Variants in FAM110B observed in about 807,000 individuals in gnomAD.
FAM110B encodes protein FAM110B.
A neutral mutation model predicts 20.4 loss-of-function variants in FAM110B; 6 were observed. That is an observed-to-expected ratio of 0.29 (90% CI 0.16 to 0.58). The LOEUF (loss-of-function observed/expected upper bound fraction) is 0.58, where lower values mean the gene tolerates loss of function less well. Among genes scored for constraint, FAM110B ranks in the 20% least tolerant of loss-of-function variants. FAM110B has a pLI of 0.90. For missense variants in FAM110B, 434 were observed against 498.2 expected, an observed-to-expected ratio of 0.87 and a Z score of 1.23; for synonymous variants, 226 against 214.1, an observed-to-expected ratio of 1.06 and a Z score of -0.49.
chr8:58,060,776 A>G (rs556497926), intron 2 of FAM110B, among the ~76,000 whole-genome samples: 6 of 152,148 alleles, frequency 3.9e-5, no homozygotes, highest in Non-Finnish European at 8.8e-5. Flanking sequence ...CTCTCAACCT[A>G]TCCCAAGCTG....
At chr8:58,064,394 C>CT (rs11318730) in intron 2 of FAM110B, among the ~76,000 whole-genome samples, 22 of 148,278 alleles carry the variant, frequency 1.5e-4, no homozygotes, top group East Asian at 3.9e-4. Flanking sequence ...AATGTATACA[C>CT]TTTTTTTTTT....
At chr8:58,103,725 T>C (rs2150613378) in intron 3 of FAM110B, among the ~76,000 whole-genome samples, 1 of 152,284 alleles carries the variant, frequency 6.6e-6, no homozygotes, top group South Asian at 2.1e-4. Context: ...TCAAGTGAAC[T>C]TCATGTCCCT....
chr8:58,116,790 A>T (rs961112189), intron 3 of FAM110B, among the ~76,000 whole-genome samples: 1 of 152,234 alleles, frequency 6.6e-6, no homozygotes, highest in African/African-American at 2.4e-5. Flanking sequence ...ATTAAAAAAA[A>T]GACAAGTAAA....
intron 1 of FAM110B, among the ~76,000 whole-genome samples, chr8:58,019,580 T>A (rs1439382736): frequency 6.6e-6 from 1 of 152,016 alleles, no homozygotes; most frequent in Non-Finnish European, 1.5e-5. Context: ...AGCCGAAAAC[T>A]TCTTGAATTT....
At chr8:58,059,047 A>G (rs907407580) in intron 2 of FAM110B, among the ~76,000 whole-genome samples, 10 of 152,204 alleles carry the variant, frequency 6.6e-5, no homozygotes, top group African/African-American at 2.2e-4. Context: ...TATAGTAACT[A>G]GTGCTCTTTG....
At chr8:58,000,221 A>C (rs1284836757) in intron 1 of FAM110B, among the ~76,000 whole-genome samples, 1 of 152,330 alleles carries the variant, frequency 6.6e-6, no homozygotes, top group Middle Eastern at 3.4e-3. Context: ...GCAGGGCCTT[A>C]TGGACCACAG....
At chr8:58,043,904 G>T (rs1411028917) in intron 2 of FAM110B, among the ~76,000 whole-genome samples, 2 of 152,184 alleles carry the variant, frequency 1.3e-5, no homozygotes, top group Non-Finnish European at 2.9e-5. Flanking sequence ...GCAGGTACTT[G>T]CATCCAATCA....
intron 3 of FAM110B, among the ~76,000 whole-genome samples, chr8:58,123,321 G>A (rs1451281079): frequency 1.3e-5 from 2 of 152,122 alleles, no homozygotes; most frequent in Non-Finnish European, 2.9e-5. Flanking sequence ...TTGGGGGGTG[G>A]TGCCAGGCAA....
intron 3 of FAM110B, among the ~76,000 whole-genome samples, chr8:58,094,254 T>C (rs1373466958): frequency 5.3e-5 from 8 of 152,220 alleles, no homozygotes; most frequent in Admixed American, 5.2e-4. Context: ...TTCTCTTGCC[T>C]GATTGCCCTG....
chr8:58,103,419 G>A (rs1362406356), intron 3 of FAM110B, among the ~76,000 whole-genome samples: 2 of 150,142 alleles, frequency 1.3e-5, no homozygotes, highest in African/African-American at 4.9e-5. Context: ...GAGAATATGC[G>A]GTGTTTGGTT....
intron 3 of FAM110B, among the ~76,000 whole-genome samples, chr8:58,106,879 A>G (rs1314303053): frequency 1.3e-5 from 2 of 152,238 alleles, no homozygotes; most frequent in African/African-American, 4.8e-5. Flanking sequence ...TTATGTTGTC[A>G]GTTACTGTTT....
At chr8:58,093,691 A>G (rs1371859595) in intron 3 of FAM110B, among the ~76,000 whole-genome samples, 1 of 152,100 alleles carries the variant, frequency 6.6e-6, no homozygotes, top group Non-Finnish European at 1.5e-5. Context: ...TGATGCCTCC[A>G]GCTTTGTTCT....
intron 3 of FAM110B, among the ~76,000 whole-genome samples, chr8:58,118,730 T>C (rs1392414734): frequency 6.6e-6 from 1 of 152,188 alleles, no homozygotes; most frequent in Non-Finnish European, 1.5e-5. Flanking sequence ...AAAAATCCCC[T>C]TTTGAAACCA....
chr8:58,097,466 G>A (rs1233205944), intron 3 of FAM110B, among the ~76,000 whole-genome samples: 1 of 152,108 alleles, frequency 6.6e-6, no homozygotes, highest in Non-Finnish European at 1.5e-5. Context: ...AAGGTTCTTA[G>A]CTTCCTTGCA....
chr8:58,146,763 G>A lies in FAM110B; in HGVS notation c.533G>A (p.Gly178Asp). The A allele has an allele frequency of 6.2e-7, 1 of 1,611,508 alleles. No homozygotes were observed. Among genetic ancestry groups the A allele is most frequent in the Non-Finnish European group, 8.5e-7 (1 of 1,178,828 alleles). The change falls in exon 4 of 4, where the codon GGC (glycine) becomes GAC (aspartate). Residue 178 changes from glycine (G) to aspartate (D), a missense_variant. This residue lies in a region of FAM110B where 284 missense variants were observed against 278.3 expected (regional missense o/e 1.02). Coordinates refer to ENST00000519262, the MANE Select transcript of FAM110B (RefSeq NM_001377989.1). ...TQGRRSPQEG[G>D]SHVGRRLLEQ... ...GGCCGCAGGAGCCCGCAGGAGGGCG[G>A]CTCCCACGTGGGCAGGAGACTGCTG...
At chr8:58,097,274 C>T (rs1043806017) in intron 3 of FAM110B, among the ~76,000 whole-genome samples, 4 of 152,170 alleles carry the variant, frequency 2.6e-5, no homozygotes, top group African/African-American at 9.7e-5. Context: ...CTTGTCTTCA[C>T]ACTTTATTTC....
At chr8:58,072,157 T>G (rs188201025) in intron 2 of FAM110B, among the ~76,000 whole-genome samples, 1 of 152,360 alleles carries the variant, frequency 6.6e-6, no homozygotes, top group African/African-American at 2.4e-5. Flanking sequence ...TCTCCTGAAA[T>G]GCTCCCTAAA....
intron 3 of FAM110B, among the ~76,000 whole-genome samples, chr8:58,081,160 T>C (rs1007279927): frequency 1.3e-5 from 2 of 152,206 alleles, no homozygotes; most frequent in Non-Finnish European, 2.9e-5. Flanking sequence ...CACCTGCCTC[T>C]AGTTTCTGCT....
intron 3 of FAM110B, among the ~76,000 whole-genome samples, chr8:58,131,710 T>G (rs996141070): frequency 6.6e-6 from 1 of 152,260 alleles, no homozygotes; most frequent in African/African-American, 2.4e-5. Flanking sequence ...ATTGATTGAT[T>G]GCCATATATG....
Sources: gnomAD v4.1 joint callset for allele counts (sites outside exome capture counted in the v4.1 genomes callset) on GRCh38, gnomAD v4.1.1 for gene constraint, gnomAD v4.1.1 regional missense constraint, MANE v1.5 for transcripts, NCBI Gene and HGNC (gene_info 2026-07-23, HGNC 2026-07-21) for gene names.